RAB11FIP1: variants seen among roughly 807,000 people sequenced by gnomAD.
RAB11FIP1 encodes the protein RAB11 family interacting protein 1.
In RAB11FIP1, 49 loss-of-function variants were observed where a neutral mutation model predicts 83.1. The ratio of observed to expected loss-of-function variants is 0.59; its 90% CI spans 0.47 to 0.75. The LOEUF (loss-of-function observed/expected upper bound fraction) is 0.75, where lower values mean the gene tolerates loss of function less well. RAB11FIP1 is among the 30% of genes least tolerant of loss of function. The probability of loss-of-function intolerance (pLI) is 0.00; values close to 1 mark genes in which losing one functional copy is unlikely to be tolerated. For synonymous variants in RAB11FIP1, 670 were observed against 656.0 expected (o/e 1.02, Z -0.33); for missense variants, 1,536 against 1,598.7 (o/e 0.96, Z 0.67).
intron 4 of RAB11FIP1, chr8:37,870,844 G>A (rs1806438054): frequency 9.7e-6 from 3 of 307,768 alleles, no homozygotes; most frequent in African/African-American, 6.5e-5. Flanking sequence ...TAGAGCCTAG[G>A]CATTCACTGT....
intron 5 of RAB11FIP1, among the ~76,000 whole-genome samples, chr8:37,866,584 A>T (rs1374797954): frequency 6.6e-6 from 1 of 152,122 alleles, no homozygotes; most frequent in African/African-American, 2.4e-5. Context: ...TTACTATTTT[A>T]AAACGGAAAT....
At chr8:37,893,977 CTGTTA>C (rs1807008976) in intron 1 of RAB11FIP1, among the ~76,000 whole-genome samples, 1 of 152,142 alleles carries the variant, frequency 6.6e-6, no homozygotes, top group Admixed American at 6.5e-5. Context: ...TTTCATTCCT[CTGTTA>C]TAAGCAGTTT....
chr8:37,889,930 C>A (rs1806913060), intron 1 of RAB11FIP1, among the ~76,000 whole-genome samples: 2 of 152,134 alleles, frequency 1.3e-5, no homozygotes, highest in Non-Finnish European at 2.9e-5. Flanking sequence ...ATAACAGGTG[C>A]CCGCCACCAT....
In RAB11FIP1 at chr8:37,870,463, G is replaced by A; in HGVS notation, c.3590C>T (p.Ala1197Val). ...TKVANCSLGT[A>V]TIISENLNNE... Reference sequence around the variant, plus strand: ...GTTCAAGTTCTCACTGATGATGGTGGCAGTTCCCAAGCTGCAGTTAGCAAC... The same window carrying A: ...GTTCAAGTTCTCACTGATGATGGTGACAGTTCCCAAGCTGCAGTTAGCAAC... Residue 1197 changes from alanine (A) to valine (V), a missense_variant, in exon 5 of 6, where the codon GCC becomes GTC. Transcript: ENST00000330843. 6.2e-7 allele frequency: 1 copy of A among 1,611,412 alleles called. No individual in the cohort carries two copies. The highest frequency in any genetic ancestry group is 8.5e-7 in the Non-Finnish European group (1 of 1,177,750).
rs961081879 is a variant in RAB11FIP1 at position 37,861,924 on chromosome 8, C to A, written c.*971G>T. On this transcript the variant is annotated 3_prime_UTR_variant, in exon 6 of 6. Transcript: ENST00000330843. The stretch of plus-strand genomic sequence containing the variant: ...TCTTCATCTTGGGGAGTTGGTGGAC[C>A]CTGTCTCTGCCCCTTACAAGGAGTG... The A allele has an allele frequency of 3.1e-5, 7 of 227,924 alleles. No individual in the cohort carries two copies. In the South Asian group the frequency reaches 3.4e-4, roughly 11 times the overall value. 14.1% of individuals were successfully genotyped at this position (227,924 alleles called of 1,614,324 possible). A position where few individuals can be genotyped will look rare whatever the true frequency, so the allele number is the denominator to read the frequency against.
Position 37,889,274 on chromosome 8 carries a change from T to A in RAB11FIP1, c.371+9797A>T, listed in dbSNP as rs558621292. The stretch of plus-strand genomic sequence containing the variant: ...TTCTAAGTGGAGAGCAATACTAAAT[T>A]TCTTGTAGGTGAAGACTAAAGGAAA... On this transcript the variant is annotated intron_variant, in intron 1 of 5. Transcript: ENST00000330843. 5.0e-4 allele frequency among the ~76,000 whole-genome samples: 76 copies of A among 152,296 alleles called. 3 individuals carry two copies. The South Asian group carries it at 0.014, about 28-fold the overall frequency.
chr8:37,888,859 G>A (rs1278307355), intron 1 of RAB11FIP1, among the ~76,000 whole-genome samples: 2 of 146,078 alleles, frequency 1.4e-5, no homozygotes, highest in African/African-American at 2.6e-5. Flanking sequence ...CTGCAGTGGC[G>A]CTATCTCAGC....
rs186483155 is a variant in RAB11FIP1 at position 37,888,147 on chromosome 8, C to G, written c.372-10596G>C. 4.8e-3 allele frequency among the ~76,000 whole-genome samples: 734 copies of G among 152,352 alleles called. 2 individuals are homozygous for G. Among genetic ancestry groups the G allele is most frequent in the South Asian group, 9.3e-3 (45 of 4,824 alleles). On this transcript the variant is annotated intron_variant, in intron 1 of 5. Coordinates refer to ENST00000330843, the MANE Select transcript of RAB11FIP1 (RefSeq NM_001002814.3). ...TTTGAGACGGAGTCTCATTCTGTCG[C>G]CCAGGCTGGAGTGCAGTGGCGCAAT...
Position 37,862,850 on chromosome 8 carries a change from G to GA in RAB11FIP1, c.*44dup. 6.6e-7 allele frequency: 1 copy of GA among 1,516,712 alleles called. No individual in the cohort carries two copies. Among genetic ancestry groups the GA allele is most frequent in the Non-Finnish European group, 9.1e-7 (1 of 1,102,964 alleles). The allele number at this position is 1,516,712 out of a possible 1,614,324, so 94.0% of individuals were successfully genotyped here. ...CAAGTCCTTGACCCCTGGAGCAGGTGAAAGTGAAGTCACAGAAACGTCTCG... is the reference window on the plus strand; with the variant it reads ...CAAGTCCTTGACCCCTGGAGCAGGTGAAAAGTGAAGTCACAGAAACGTCTCG... On this transcript the variant is annotated 3_prime_UTR_variant, in exon 6 of 6. Coordinates refer to ENST00000330843, the MANE Select transcript of RAB11FIP1 (RefSeq NM_001002814.3).
At chr8:37,895,737 C>A (rs1273174442) in intron 1 of RAB11FIP1, among the ~76,000 whole-genome samples, 2 of 151,880 alleles carry the variant, frequency 1.3e-5, no homozygotes, top group East Asian at 1.9e-4. Context: ...GATACTGGGG[C>A]CTTATCAAGA....
In RAB11FIP1 at chr8:37,859,330, G is replaced by A. The variant is rs942040340; in HGVS notation, c.*3565C>T. ...ATTAAATTGCCTCTCTCTACAGTAT[G>A]TGGCTGAGCATCATGGACCTTCCTC... On this transcript the variant is annotated 3_prime_UTR_variant, in exon 6 of 6. Transcript: ENST00000330843. 1.3e-5 allele frequency: 2 copies of A among 152,218 alleles called. No individual in the cohort carries two copies. The highest frequency in any genetic ancestry group is 4.8e-5 in the African/African-American group (2 of 41,446). The allele number at this position is 152,218 out of a possible 1,614,324, so 9.4% of individuals were successfully genotyped here.
rs1179734086 is a variant in RAB11FIP1 at position 37,871,892 on chromosome 8, T to G, written c.2910A>C (p.Glu970Asp). Residue 970 changes from glutamate (E) to aspartate (D), a missense_variant, in exon 4 of 6, where the codon GAA (glutamate) becomes GAC (aspartate). Coordinates refer to ENST00000330843, the MANE Select transcript of RAB11FIP1 (RefSeq NM_001002814.3). ...PSIPEVASDD[E>D]RIDQVEDDGD... ...CGTCATCTTCAACCTGATCTATTCT[T>G]TCATCATCCGATGCGACTTCAGGAA... The G allele has an allele frequency of 1.9e-6, 3 of 1,614,198 alleles. No individual in the cohort carries two copies. In the Admixed American group the frequency reaches 5.0e-5, roughly 27 times the overall value.
At position 37,862,513 on chromosome 8, in the gene RAB11FIP1, C is replaced by A; in HGVS notation, c.*382G>T. ...AGCTTTCTCAGGTAAGCTTTAAGAG[C>A]TGGAGGATACATACTGAAAAAAAAT... is the stretch of plus-strand genomic sequence containing the variant. On this transcript the variant is annotated 3_prime_UTR_variant, in exon 6 of 6. Transcript: ENST00000330843. 1 of 177,086 alleles carries A rather than the reference C, an allele frequency of 5.6e-6. No homozygotes were observed. Among genetic ancestry groups the A allele is most frequent in the South Asian group, 1.3e-4 (1 of 7,630 alleles). The allele number at this position is 177,086 out of a possible 1,614,324, so 11.0% of individuals were successfully genotyped here. A position where few individuals can be genotyped will look rare whatever the true frequency, so the allele number is the denominator to read the frequency against.
At chr8:37,869,463 G>A (rs553346980) in intron 5 of RAB11FIP1, among the ~76,000 whole-genome samples, 39 of 150,096 alleles carry the variant, frequency 2.6e-4, no homozygotes, top group African/African-American at 8.1e-4. Context: ...ATGGTGGCGC[G>A]CACCTACAGT....
intron 1 of RAB11FIP1, among the ~76,000 whole-genome samples, chr8:37,895,261 T>TATA (rs1563376642): frequency 2.9e-3 from 20 of 6,808 alleles, no homozygotes; most frequent in African/African-American, 4.4e-3. Flanking sequence ...ATATATATAT[T>TATA]TTTTTTTTTT....
chr8:37,867,039 A>T (rs1313896141), intron 5 of RAB11FIP1, among the ~76,000 whole-genome samples: 2 of 152,220 alleles, frequency 1.3e-5, no homozygotes, highest in East Asian at 3.8e-4. Flanking sequence ...CTTGAATTAA[A>T]TGAGCTTTGA....
At chr8:37,884,741 G>T (rs1206909065) in intron 1 of RAB11FIP1, among the ~76,000 whole-genome samples, 1 of 152,040 alleles carries the variant, frequency 6.6e-6, no homozygotes, top group Non-Finnish European at 1.5e-5. Flanking sequence ...TAGAGACAGG[G>T]TTTCACCATG....
At chr8:37,882,239 A>T (rs1334044662) in intron 1 of RAB11FIP1, among the ~76,000 whole-genome samples, 1 of 152,182 alleles carries the variant, frequency 6.6e-6, no homozygotes, top group Non-Finnish European at 1.5e-5. Flanking sequence ...CTCCATCTTG[A>T]GTGAGGGCTA....
chr8:37,876,400 C>T (rs954938442), intron 2 of RAB11FIP1, among the ~76,000 whole-genome samples: 1 of 151,778 alleles, frequency 6.6e-6, no homozygotes, highest in African/African-American at 2.4e-5. Context: ...TTCAGACCAG[C>T]CTGGGCAACA....
Sources: allele counts gnomAD v4.1 joint callset (sites outside exome capture counted in the v4.1 genomes callset), GRCh38; gene constraint gnomAD v4.1.1; transcripts MANE v1.5; gene names NCBI Gene and HGNC (gene_info 2026-07-23, HGNC 2026-07-21).